Variants in INTS8 observed in about 807,000 individuals in gnomAD.
INTS8 encodes integrator complex subunit 8, also known as protein kaonashi-1.
A neutral mutation model predicts 138.9 loss-of-function variants in INTS8; 47 were observed. The observed-to-expected ratio is 0.34, with a 90% CI of 0.27 to 0.43. The LOEUF (loss-of-function observed/expected upper bound fraction) is 0.43, where lower values mean the gene tolerates loss of function less well. Ranked by LOEUF, INTS8 falls within the 20% of genes least tolerant of loss-of-function variation. INTS8 has a pLI of 1.00. For missense variants in INTS8, 996 were observed against 1,173.0 expected (o/e 0.85, Z 2.20); for synonymous variants, 392 against 400.9 (o/e 0.98, Z 0.27).
intron 18 of INTS8, 95 bp downstream of exon 18, chr8:94,866,286 T>A: frequency 1.4e-6 from 1 of 738,056 alleles, no homozygotes; most frequent in African/African-American, 1.7e-5. Flanking sequence ...ACTAAATTAT[T>A]ATTTGTTTTT....
intron 2 of INTS8, among the ~76,000 whole-genome samples, chr8:94,826,877 A>G (rs1814527217): frequency 6.6e-6 from 1 of 152,196 alleles, no homozygotes; most frequent in South Asian, 2.1e-4. Flanking sequence ...AGGCTGAGGC[A>G]GGCAGATCAC....
At chr8:94,854,086 T>A (rs537076038) in intron 14 of INTS8, among the ~76,000 whole-genome samples, 171 bp downstream of exon 14, 17 of 151,816 alleles carry the variant, frequency 1.1e-4, no homozygotes, top group Middle Eastern at 3.4e-3. Context: ...AATACAAAAA[T>A]TAGCCGGGTG....
At chr8:94,843,514 T>A (rs1815214840) in intron 10 of INTS8, among the ~76,000 whole-genome samples, 2 of 151,670 alleles carry the variant, frequency 1.3e-5, no homozygotes, top group Non-Finnish European at 2.9e-5. Context: ...TTTCAATGAG[T>A]GGAGATTACG....
At chr8:94,857,361 C>T (rs1815790135) in intron 15 of INTS8, among the ~76,000 whole-genome samples, 1 of 152,132 alleles carries the variant, frequency 6.6e-6, no homozygotes, top group South Asian at 2.1e-4. Context: ...CATGAGCCAC[C>T]ATGCCCAGCT....
Position 94,850,027 on chromosome 8 carries a change from G to A in INTS8, c.1443G>A (p.Met481Ile). ...DEERKLLVDQ[M>I]RKRSPRVNLC... Reference sequence around the variant, plus strand: ...AACGAAAGCTACTTGTTGATCAGATGAGGAAGAGATCCCCTAGAGTAAATC... The same window carrying A: ...AACGAAAGCTACTTGTTGATCAGATAAGGAAGAGATCCCCTAGAGTAAATC... Residue 481 changes from methionine (M) to isoleucine (I), a missense_variant, in exon 12 of 27, where the codon ATG (methionine) becomes ATA (isoleucine). Transcript: ENST00000523731. The A allele has an allele frequency of 6.2e-7, 1 of 1,613,352 alleles. No homozygotes were observed. The highest frequency in any genetic ancestry group is 1.3e-5 in the African/African-American group (1 of 75,048).
chr8:94,852,606 G>C (rs1018148807), intron 13 of INTS8, among the ~76,000 whole-genome samples: 1 of 141,894 alleles, frequency 7.0e-6, no homozygotes, highest in East Asian at 2.1e-4. Context: ...TTTTTTTTTT[G>C]AGACTGAGTT....
chr8:94,826,528 A>G (rs368681791), intron 2 of INTS8, among the ~76,000 whole-genome samples: 128 of 152,334 alleles, frequency 8.4e-4, no homozygotes, highest in Non-Finnish European at 1.6e-3. Flanking sequence ...GAAGTATGAC[A>G]TATATGAGGC....
chr8:94,831,482 C>CTTT (rs11482467), intron 5 of INTS8, among the ~76,000 whole-genome samples: 19 of 121,564 alleles, frequency 1.6e-4, no homozygotes, highest in African/African-American at 3.1e-4. Context: ...TTGTCTTTTT[C>CTTT]TTTTTTTTTT....
At chr8:94,831,784 T>G (rs1411039234) in intron 5 of INTS8, among the ~76,000 whole-genome samples, 4 of 152,190 alleles carry the variant, frequency 2.6e-5, no homozygotes, top group Non-Finnish European at 5.9e-5. Context: ...CTGGCCCTCC[T>G]GTTTTTCATA....
At chr8:94,836,002 C>T (rs1156281304) in intron 6 of INTS8, among the ~76,000 whole-genome samples, 1 of 152,168 alleles carries the variant, frequency 6.6e-6, no homozygotes, top group Non-Finnish European at 1.5e-5. Flanking sequence ...GATGGGTATG[C>T]TTCTTTTAGA....
chr8:94,832,540 A>G (rs1814761626), intron 6 of INTS8, among the ~76,000 whole-genome samples: 1 of 152,236 alleles, frequency 6.6e-6, no homozygotes, highest in Non-Finnish European at 1.5e-5. Flanking sequence ...CTAGACCTCA[A>G]GAGAGAGTGT....
chr8:94,834,701 C>A, intron 6 of INTS8, among the ~76,000 whole-genome samples: 1 of 142,004 alleles, frequency 7.0e-6, no homozygotes, highest in Admixed American at 7.1e-5. Flanking sequence ...GAAACTCCAT[C>A]TCAAAAAAAA....
At chr8:94,863,634 A>C (rs1269538647) in intron 16 of INTS8, among the ~76,000 whole-genome samples, 1 of 152,248 alleles carries the variant, frequency 6.6e-6, no homozygotes, top group East Asian at 1.9e-4. Context: ...GATGCCCACC[A>C]CACATAGTAG....
intron 26 of INTS8, among the ~76,000 whole-genome samples, chr8:94,878,640 C>A (rs1341877636): frequency 1.3e-5 from 2 of 152,124 alleles, no homozygotes; most frequent in Non-Finnish European, 2.9e-5. Context: ...TAAAATATTT[C>A]ATCCTAATAC....
At chr8:94,862,603 C>T (rs1816032182) in intron 16 of INTS8, among the ~76,000 whole-genome samples, 1 of 152,128 alleles carries the variant, frequency 6.6e-6, no homozygotes, top group Admixed American at 6.5e-5. Context: ...CCTGCAGTTC[C>T]CCTGATCTGG....
chr8:94,864,168 CTTTTT>C (rs201888764), intron 16 of INTS8, among the ~76,000 whole-genome samples: 2 of 149,506 alleles, frequency 1.3e-5, no homozygotes, highest in African/African-American at 2.5e-5. Flanking sequence ...ATTTATTGAA[CTTTTT>C]TTTTTATTTT....
At chr8:94,830,808 T>C (rs1814685422) in intron 5 of INTS8, among the ~76,000 whole-genome samples, 1 of 152,228 alleles carries the variant, frequency 6.6e-6, no homozygotes, top group Admixed American at 6.5e-5. Flanking sequence ...AAATCTTTTT[T>C]GTTTTTTGAG....
At chr8:94,864,029 C>T (rs1410864578) in intron 16 of INTS8, among the ~76,000 whole-genome samples, 1 of 152,060 alleles carries the variant, frequency 6.6e-6, no homozygotes, top group Non-Finnish European at 1.5e-5. Context: ...ATGTCCTCGT[C>T]CTTAGAAGAT....
intron 7 of INTS8, 126 bp from the exon 8 acceptor site, chr8:94,838,337 G>A (rs919049005): frequency 2.3e-5 from 16 of 710,890 alleles, no homozygotes; most frequent in Admixed American, 5.2e-5. Flanking sequence ...GGCGTGAACC[G>A]CTGTGCCCAG....
Sources: allele counts gnomAD v4.1 joint callset (sites outside exome capture counted in the v4.1 genomes callset), GRCh38; gene constraint gnomAD v4.1.1; transcripts MANE v1.5; gene names NCBI Gene and HGNC (gene_info 2026-07-23, HGNC 2026-07-21).